Variants in EXOC6B observed in about 807,000 individuals in gnomAD.
EXOC6B encodes the protein SEC15 homolog B.
In EXOC6B, 54 loss-of-function variants were observed where a neutral mutation model predicts 113.5. That is an observed-to-expected ratio of 0.48 (90% confidence interval 0.38 to 0.60). The LOEUF is 0.60. EXOC6B is among the 20% of genes least tolerant of loss of function. The pLI, the probability that EXOC6B is intolerant of heterozygous loss-of-function variation, is 0.00. For missense variants in EXOC6B, 797 were observed against 977.5 expected, an observed-to-expected ratio of 0.82 and a Z score of 2.46; for synonymous variants, 357 against 339.0, an observed-to-expected ratio of 1.05 and a Z score of -0.58.
At chr2:72,610,589 T>C (rs1026061571) in intron 6 of EXOC6B, among the ~76,000 whole-genome samples, 7 of 152,166 alleles carry the variant, frequency 4.6e-5, no homozygotes, top group Admixed American at 1.3e-4. Flanking sequence ...TAGTATTGTA[T>C]TAAAACTCAA....
At chr2:72,768,915 CCAGCCTG>C (rs1427042624) in intron 1 of EXOC6B, among the ~76,000 whole-genome samples, 1 of 152,054 alleles carries the variant, frequency 6.6e-6, no homozygotes, top group Non-Finnish European at 1.5e-5. Context: ...GAGGTCAAGA[CCAGCCTG>C]GGCAACAAAG....
At chr2:72,772,545 G>A (rs535977710) in intron 1 of EXOC6B, among the ~76,000 whole-genome samples, 1 of 152,308 alleles carries the variant, frequency 6.6e-6, no homozygotes, top group South Asian at 2.1e-4. Context: ...TGCTCCTGCA[G>A]ACCCCATTGC....
chr2:72,695,256 T>C (rs114031353), intron 6 of EXOC6B, among the ~76,000 whole-genome samples: 2,476 of 152,254 alleles, frequency 0.016, 88 homozygotes, highest in African/African-American at 0.057. Context: ...GCTTTTCTAG[T>C]AGTAAACTTA....
intron 6 of EXOC6B, among the ~76,000 whole-genome samples, chr2:72,627,368 G>A (rs1672119521): frequency 6.6e-6 from 1 of 152,100 alleles, no homozygotes; most frequent in Admixed American, 6.6e-5. Context: ...CCACATCAGA[G>A]ACCATTGCCT....
At chr2:72,456,766 G>A (rs1697259874) in intron 18 of EXOC6B, among the ~76,000 whole-genome samples, 2 of 152,078 alleles carry the variant, frequency 1.3e-5, no homozygotes, top group African/African-American at 4.8e-5. Flanking sequence ...CACAGCAGAT[G>A]CTTTAATTAC....
At chr2:72,228,311 C>T (rs1222761266) in intron 20 of EXOC6B, among the ~76,000 whole-genome samples, 1 of 151,994 alleles carries the variant, frequency 6.6e-6, no homozygotes, top group Non-Finnish European at 1.5e-5. Context: ...TACATGTGCA[C>T]AACGTGCAGG....
At chr2:72,475,019 G>C (rs1698646780) in intron 17 of EXOC6B, among the ~76,000 whole-genome samples, 1 of 152,160 alleles carries the variant, frequency 6.6e-6, no homozygotes, top group South Asian at 2.1e-4. Flanking sequence ...GGTATAAATA[G>C]TACCAGTGGT....
chr2:72,680,644 CAGG>C (rs774373311), intron 6 of EXOC6B, among the ~76,000 whole-genome samples: 4 of 151,648 alleles, frequency 2.6e-5, no homozygotes, highest in Non-Finnish European at 4.4e-5. Context: ...GATGCTGAGC[CAGG>C]AGAATCACTT....
In EXOC6B at chr2:72,533,856, T is replaced by C. The variant is rs115222323; in HGVS notation, c.916-18730A>G. ...AAGTCTTTGTCTTAACTGCACAGTA[T>C]TTGCCCCTGTAACAGAAACATCAAT... is the stretch of plus-strand genomic sequence containing the variant. On this transcript the variant is annotated intron_variant, in intron 8 of 21. Transcript: ENST00000272427. 2.8e-3 allele frequency among the ~76,000 whole-genome samples: 419 copies of C among 152,290 alleles called. 4 individuals are homozygous for C. The highest frequency in any genetic ancestry group is 8.8e-3 in the African/African-American group (365 of 41,564).
chr2:72,440,984 T>C (rs1696165698), intron 18 of EXOC6B, among the ~76,000 whole-genome samples: 1 of 152,156 alleles, frequency 6.6e-6, no homozygotes, highest in Non-Finnish European at 1.5e-5. Context: ...CTTTATCATC[T>C]GGTTATTTTG....
At chr2:72,714,229 C>T (rs180960666) in intron 6 of EXOC6B, among the ~76,000 whole-genome samples, 1 of 152,064 alleles carries the variant, frequency 6.6e-6, no homozygotes, top group African/African-American at 2.4e-5. Flanking sequence ...ATGGTGTTGC[C>T]CCCAACAAAA....
intron 6 of EXOC6B, among the ~76,000 whole-genome samples, chr2:72,631,024 A>G (rs1295176116): frequency 6.6e-6 from 1 of 152,188 alleles, no homozygotes; most frequent in East Asian, 1.9e-4. Flanking sequence ...CAGTGCATTC[A>G]TCATGACTTT....
intron 13 of EXOC6B, 107 bp downstream of exon 13, chr2:72,498,347 A>T: frequency 1.5e-6 from 1 of 670,058 alleles, no homozygotes; most frequent in Non-Finnish European, 2.4e-6. Context: ...AAATATAAGT[A>T]ACATATACTT....
intron 6 of EXOC6B, among the ~76,000 whole-genome samples, chr2:72,649,760 C>T (rs1004370388): frequency 6.6e-6 from 1 of 152,000 alleles, no homozygotes; most frequent in African/African-American, 2.4e-5. Context: ...CAGAAACAGC[C>T]CCACAGTACA....
chr2:72,346,193 A>G (rs1034878139), intron 19 of EXOC6B, among the ~76,000 whole-genome samples: 5 of 152,186 alleles, frequency 3.3e-5, no homozygotes. Flanking sequence ...CTATCTTCTT[A>G]CAATTGAGAA....
At chr2:72,752,776 C>T (rs1166045452) in intron 1 of EXOC6B, among the ~76,000 whole-genome samples, 2 of 152,092 alleles carry the variant, frequency 1.3e-5, no homozygotes, top group African/African-American at 4.8e-5. Context: ...ATCAAATATT[C>T]ACTTTTAATT....
chr2:72,587,710 G>A (rs1705679639), intron 6 of EXOC6B, among the ~76,000 whole-genome samples: 1 of 151,920 alleles, frequency 6.6e-6, no homozygotes, highest in Non-Finnish European at 1.5e-5. Flanking sequence ...GGGCGTCAAA[G>A]AGAATCATCA....
chr2:72,459,245 A>G (rs201109286), intron 18 of EXOC6B, among the ~76,000 whole-genome samples: 4 of 151,894 alleles, frequency 2.6e-5, no homozygotes, highest in African/African-American at 9.7e-5. Context: ...CACAGCCAAT[A>G]TCATACTGAA....
chr2:72,314,309 G>C (rs1273078343), intron 20 of EXOC6B, among the ~76,000 whole-genome samples: 1 of 152,128 alleles, frequency 6.6e-6, no homozygotes, highest in African/African-American at 2.4e-5. Flanking sequence ...GGAATAAGAG[G>C]CTACCCTGAA....
Sources: gnomAD v4.1 joint callset for allele counts (sites outside exome capture counted in the v4.1 genomes callset) on GRCh38, gnomAD v4.1.1 for gene constraint, MANE v1.5 for transcripts, NCBI Gene and HGNC (gene_info 2026-07-23, HGNC 2026-07-21) for gene names.